The following PTPRU variants were observed in gnomAD, a reference collection of about 807,000 sequenced individuals.
The protein encoded by PTPRU is protein tyrosine phosphatase receptor type U, also known as receptor-type tyrosine-protein phosphatase U.
In PTPRU, 69 loss-of-function variants were observed where a neutral mutation model predicts 166.3. That is an observed-to-expected ratio of 0.41 (90% CI 0.34 to 0.51). The LOEUF is 0.51. PTPRU is among the 20% of genes least tolerant of loss of function. The pLI is 0.09. For missense variants in PTPRU, 1,657 were observed against 2,013.7 expected (o/e 0.82, Z 3.39); for synonymous variants, 793 against 814.0 (o/e 0.97, Z 0.44).
At position 29,323,677 on chromosome 1, in the gene PTPRU, G is replaced by A. The variant is rs76884346; in HGVS notation, c.4001G>A (p.Trp1334Ter). 6.2e-7 allele frequency: 1 copy of A among 1,614,164 alleles called. No individual in the cohort carries two copies. The highest frequency in any genetic ancestry group is 1.3e-5 in the African/African-American group (1 of 75,040). The change falls in exon 28 of 30, where the codon TGG (tryptophan) becomes TAG (stop). Residue 1334 changes from tryptophan (W) to a stop codon, truncating the protein, a stop_gained. Transcript: ENST00000373779. LOFTEE classifies it high-confidence loss of function. ...GTGCGGCACTTCCAGTTCCTGCGCT[G>A]GTCTGCATACCGGGACACACCTGAC... ...LLVRHFQFLR[W>*]SAYRDTPDSK...
intron 18 of PTPRU, among the ~76,000 whole-genome samples, chr1:29,309,919 G>A (rs1277020331): frequency 6.6e-6 from 1 of 152,184 alleles, no homozygotes. Flanking sequence ...TTTCCGCATT[G>A]CCCGCATTGA....
intron 15 of PTPRU, among the ~76,000 whole-genome samples, chr1:29,292,359 T>C (rs1273306167): frequency 6.6e-6 from 1 of 152,184 alleles, no homozygotes; most frequent in Non-Finnish European, 1.5e-5. Flanking sequence ...GGGGATACAG[T>C]GGCTGAGAGA....
At chr1:29,325,405 C>G in intron 29 of PTPRU, 79 bp downstream of exon 29, 1 of 1,556,266 alleles carries the variant, frequency 6.4e-7, no homozygotes, top group Non-Finnish European at 8.9e-7. Context: ...ACCCACTCTC[C>G]CATATCTGGG....
Position 29,246,579 on chromosome 1 carries a change from C to T in PTPRU, c.74-8696C>T, listed in dbSNP as rs1684306978. Among the ~76,000 whole-genome samples, 4 of 152,298 alleles carry T rather than the reference C, an allele frequency of 2.6e-5. No individual in the cohort carries two copies. In the South Asian group the frequency reaches 8.3e-4, roughly 32 times the overall value. ...GTGCACTCTACCGGATTGCGGGACC[C>T]AGAGCCCTTGCGTTGAATCCACTGG... On this transcript the variant is annotated intron_variant, in intron 1 of 29. Transcript: ENST00000373779.
Position 29,279,432 on chromosome 1 carries a change from C to T in PTPRU, c.1564-24C>T, listed in dbSNP as rs370247360. 5.0e-6 allele frequency: 8 copies of T among 1,609,670 alleles called. No individual in the cohort carries two copies. The highest frequency in any genetic ancestry group is 6.8e-6 in the Non-Finnish European group (8 of 1,176,244). On this transcript the variant is annotated intron_variant, in intron 9 of 29. Coordinates refer to ENST00000373779, the MANE Select transcript of PTPRU (RefSeq NM_133178.4). This position sits in a 1 kb window ranked among gnomAD's most constrained non-coding sequence, Gnocchi z 5.2. ...GGATGCTCTGACCATCCAGTGCCCA[C>T]CTGCCTGCCAATCCTGCCCCCAGAT...
At chr1:29,325,491 G>T in intron 29 of PTPRU, 108 bp from the exon 30 acceptor site, 1 of 1,510,212 alleles carries the variant, frequency 6.6e-7, no homozygotes. Context: ...CCCGAGGGCG[G>T]GCCTGGGCTC....
intron 1 of PTPRU, among the ~76,000 whole-genome samples, chr1:29,241,182 G>A (rs1684039201): frequency 6.6e-6 from 1 of 152,090 alleles, no homozygotes. Flanking sequence ...TGGTGCTAAG[G>A]GTGTCTGGCT....
intron 7 of PTPRU, among the ~76,000 whole-genome samples, chr1:29,269,219 C>CATATATATATATATATAT (rs1239721913): frequency 2.4e-5 from 1 of 42,396 alleles, no homozygotes; most frequent in African/African-American, 9.5e-5. Context: ...AATTTATATA[C>CATATATATATATATATAT]ATATATATAT....
Position 29,325,670 on chromosome 1 carries a change from T to C in PTPRU, c.*9T>C, listed in dbSNP as rs765013340. 1 of 1,594,554 alleles carries C rather than the reference T, an allele frequency of 6.3e-7. No individual in the cohort carries two copies. Among genetic ancestry groups the C allele is most frequent in the Non-Finnish European group, 8.6e-7 (1 of 1,168,122 alleles). On this transcript the variant is annotated 3_prime_UTR_variant, in exon 30 of 30. Transcript: ENST00000373779. The stretch of plus-strand genomic sequence containing the variant: ...GGCTGGAGTCAAGATAGCGGGGCCC[T>C]GGCCTGGGGCACCCACTGCACACTC...
intron 15 of PTPRU, among the ~76,000 whole-genome samples, chr1:29,296,998 ATC>A (rs1686913267): frequency 2.7e-5 from 4 of 147,204 alleles, no homozygotes; most frequent in African/African-American, 1.0e-4. Context: ...TCTCCTTGTA[ATC>A]TCTCTTATTA....
At chr1:29,272,778 G>A (rs1396450218) in intron 7 of PTPRU, among the ~76,000 whole-genome samples, 4 of 151,606 alleles carry the variant, frequency 2.6e-5, no homozygotes, top group South Asian at 2.1e-4. Context: ...TTGGTGGTAC[G>A]CACCTGTAGT....
chr1:29,266,272 T>C lies in PTPRU; in HGVS notation c.1144+5369T>C, dbSNP rs142976315. ...ATCCGGCCTCCCAAAGTGCTGGGAT[T>C]ACAGGCATGAGCCACCGCGCCTGGC... On this transcript the variant is annotated intron_variant, in intron 7 of 29. Coordinates refer to ENST00000373779, the MANE Select transcript of PTPRU (RefSeq NM_133178.4). 5.8e-4 allele frequency among the ~76,000 whole-genome samples: 88 copies of C among 152,266 alleles called. 2 individuals carry two copies. In the East Asian group the frequency reaches 0.011, roughly 18 times the overall value.
At chr1:29,259,810 A>T in intron 5 of PTPRU, 60 bp from the exon 6 acceptor site, 1 of 1,467,990 alleles carries the variant, frequency 6.8e-7, no homozygotes, top group Non-Finnish European at 9.0e-7. Context: ...CCCGGGTCAG[A>T]GCGAGATCGG....
chr1:29,278,638 A>G (rs1229030381), intron 8 of PTPRU, among the ~76,000 whole-genome samples: 2 of 152,184 alleles, frequency 1.3e-5, no homozygotes, highest in African/African-American at 4.8e-5. Flanking sequence ...TGCTGTTTTC[A>G]TTTCTCTGGC....
intron 18 of PTPRU, among the ~76,000 whole-genome samples, chr1:29,310,330 C>T (rs1049421578): frequency 1.3e-5 from 2 of 152,018 alleles, no homozygotes; most frequent in Admixed American, 1.3e-4. Flanking sequence ...AACTGACAAG[C>T]TCTGGTTATC....
chr1:29,312,066 T>G (rs540662505), intron 21 of PTPRU, among the ~76,000 whole-genome samples: 2 of 152,330 alleles, frequency 1.3e-5, no homozygotes, highest in East Asian at 3.9e-4. Flanking sequence ...TCCGTGTGAT[T>G]AGCCCAGATA....
intron 29 of PTPRU, 102 bp downstream of exon 29, chr1:29,325,428 G>A: frequency 6.5e-7 from 1 of 1,530,204 alleles, no homozygotes; most frequent in African/African-American, 1.4e-5. Flanking sequence ...CCACCACTGG[G>A]CCTTGGTTCT....
At chr1:29,254,812 A>G (rs1684702602) in intron 1 of PTPRU, among the ~76,000 whole-genome samples, 1 of 152,168 alleles carries the variant, frequency 6.6e-6, no homozygotes, top group Non-Finnish European at 1.5e-5. Flanking sequence ...AACAATCCGG[A>G]GATCTCAGTT....
At position 29,237,257 on chromosome 1, in the gene PTPRU, C is replaced by T. The variant is rs1338930907; in HGVS notation, c.73+540C>T. 6.6e-6 allele frequency among the ~76,000 whole-genome samples: 1 copy of T among 151,520 alleles called. No individual in the cohort carries two copies. The highest frequency in any genetic ancestry group is 1.5e-5 in the Non-Finnish European group (1 of 67,884). ...CGTGTGTGCTTTTGAGATCCGTGTA[C>T]ATGTGTGAAGGCGTGGGAACGGGTC... On this transcript the variant is annotated intron_variant, in intron 1 of 29. Transcript: ENST00000373779. The surrounding 1 kb of genome is among the most constrained non-coding windows in gnomAD (Gnocchi z 6.4).
Sources: gnomAD v4.1 joint callset for allele counts (sites outside exome capture counted in the v4.1 genomes callset) on GRCh38, gnomAD v4.1.1 for gene constraint, Gnocchi (gnomAD v3.1) non-coding constraint, MANE v1.5 for transcripts, NCBI Gene and HGNC (gene_info 2026-07-23, HGNC 2026-07-21) for gene names.